STT3B: variants seen among roughly 807,000 people sequenced by gnomAD.
STT3B encodes the protein dolichyl-diphosphooligosaccharide--protein glycosyltransferase subunit STT3B.
In STT3B, 29 loss-of-function variants were observed where a neutral mutation model predicts 96.8. The observed-to-expected ratio is 0.30, with a 90% CI of 0.22 to 0.41. The LOEUF (loss-of-function observed/expected upper bound fraction) is 0.41, where lower values mean the gene tolerates loss of function less well. STT3B is among the 10% of genes least tolerant of loss of function. The pLI is 1.00. For synonymous variants in STT3B, 367 were observed against 360.0 expected (o/e 1.02, Z -0.22); for missense variants, 640 against 1,022.3 (o/e 0.63, Z 5.10).
At chr3:31,617,684 T>G (rs1157032320) in intron 7 of STT3B, among the ~76,000 whole-genome samples, 2 of 152,026 alleles carry the variant, frequency 1.3e-5, no homozygotes, top group Admixed American at 1.3e-4. Flanking sequence ...TTAAGAGAAT[T>G]GGAAAACTTT....
chr3:31,630,201 A>G (rs899472905), intron 14 of STT3B, among the ~76,000 whole-genome samples: 1 of 152,212 alleles, frequency 6.6e-6, no homozygotes, highest in Non-Finnish European at 1.5e-5. Context: ...AAACAGAGAA[A>G]AAGTTCTATC....
chr3:31,597,228 C>T (rs1341993252), intron 4 of STT3B, among the ~76,000 whole-genome samples: 1 of 151,820 alleles, frequency 6.6e-6, no homozygotes, highest in Non-Finnish European at 1.5e-5. Flanking sequence ...GGCACGATCT[C>T]AGCTCACTGC....
chr3:31,572,053 CATAT>C (rs1698165664), intron 1 of STT3B, among the ~76,000 whole-genome samples: 1 of 82,656 alleles, frequency 1.2e-5, no homozygotes, highest in Non-Finnish European at 2.4e-5. Context: ...ATTAATATAT[CATAT>C]ATTAATATAT....
chr3:31,533,514 G>A, intron 1 of STT3B: 2 of 562,814 alleles, frequency 3.6e-6, no homozygotes, highest in Admixed American at 9.6e-5. Context: ...CCTGAGGCGG[G>A]GCGTCGGGGT....
chr3:31,568,615 G>T (rs1455353866), intron 1 of STT3B, among the ~76,000 whole-genome samples: 5 of 152,112 alleles, frequency 3.3e-5, no homozygotes, highest in African/African-American at 1.2e-4. Flanking sequence ...GACTAATGAT[G>T]TTGAACATCT....
At chr3:31,612,683 G>T (rs1699208760) in intron 5 of STT3B, among the ~76,000 whole-genome samples, 1 of 152,144 alleles carries the variant, frequency 6.6e-6, no homozygotes. Flanking sequence ...CTGAGAAGTT[G>T]CAGGGAAGTG....
chr3:31,596,764 C>G lies in STT3B; in HGVS notation c.712-34C>G, dbSNP rs551423848. ...AAAATTCCGCAAGAACATTTGTAAA[C>G]ATTTTTATTATATCAGTTGCTTTTG... On this transcript the variant is annotated intron_variant, in intron 3 of 15. Transcript: ENST00000295770. The G allele has an allele frequency of 2.1e-4, 316 of 1,522,514 alleles. 3 individuals carry two copies. The South Asian group carries it at 3.5e-3, about 17-fold the overall frequency. 94.3% of individuals were successfully genotyped at this position (1,522,514 alleles called of 1,614,324 possible).
At chr3:31,586,584 G>T (rs1006679316) in intron 3 of STT3B, among the ~76,000 whole-genome samples, 9 of 151,946 alleles carry the variant, frequency 5.9e-5, no homozygotes, top group Non-Finnish European at 1.0e-4. Flanking sequence ...GCAATATAAG[G>T]GTTGTTGGGT....
intron 2 of STT3B, among the ~76,000 whole-genome samples, chr3:31,579,477 TAAA>T (rs1173591549): frequency 5.5e-3 from 368 of 67,434 alleles, no homozygotes; most frequent in Middle Eastern, 0.014. Flanking sequence ...CCTGTTTTGA[TAAA>T]AAAAAAAAAA....
intron 1 of STT3B, among the ~76,000 whole-genome samples, chr3:31,548,995 T>C (rs1488779552): frequency 6.6e-6 from 1 of 152,224 alleles, no homozygotes; most frequent in Non-Finnish European, 1.5e-5. Flanking sequence ...TAATTTTATT[T>C]AATCTGGTAT....
chr3:31,628,629 C>G (rs1267396540), intron 13 of STT3B, among the ~76,000 whole-genome samples: 1 of 151,918 alleles, frequency 6.6e-6, no homozygotes, highest in Non-Finnish European at 1.5e-5. Context: ...ATAAGTTAAC[C>G]CCATAAAAAT....
intron 5 of STT3B, among the ~76,000 whole-genome samples, chr3:31,608,307 T>C (rs1258949330): frequency 1.3e-5 from 2 of 152,226 alleles, no homozygotes; most frequent in Non-Finnish European, 2.9e-5. Flanking sequence ...TAACAGGCAC[T>C]GAAGCTAGTT....
chr3:31,562,001 A>C (rs763332072), intron 1 of STT3B, among the ~76,000 whole-genome samples: 52 of 152,084 alleles, frequency 3.4e-4, no homozygotes, highest in Non-Finnish European at 4.4e-5. Context: ...ACCAGGTGTA[A>C]CAGTCTTTTG....
chr3:31,547,944 T>C (rs943202400), intron 1 of STT3B, among the ~76,000 whole-genome samples: 1 of 152,204 alleles, frequency 6.6e-6, no homozygotes, highest in African/African-American at 2.4e-5. Context: ...TCAGATTTCT[T>C]GGATCTAATA....
chr3:31,574,370 A>G (rs1698220948), intron 1 of STT3B, among the ~76,000 whole-genome samples: 1 of 152,060 alleles, frequency 6.6e-6, no homozygotes, highest in Admixed American at 6.6e-5. Context: ...TTCTTTGTAA[A>G]TTTAGACCCT....
intron 9 of STT3B, among the ~76,000 whole-genome samples, chr3:31,620,839 T>C (rs995131945): frequency 6.6e-6 from 1 of 152,154 alleles, no homozygotes; most frequent in African/African-American, 2.4e-5. Flanking sequence ...GAGTGACACA[T>C]GAATCAGGAA....
intron 1 of STT3B, among the ~76,000 whole-genome samples, chr3:31,564,574 A>G (rs144358744): frequency 1.0e-3 from 154 of 152,354 alleles, no homozygotes; most frequent in African/African-American, 3.6e-3. Context: ...AAGGCATAAT[A>G]ACCACTCATA....
rs1699777386 is a variant in STT3B at position 31,637,363 on chromosome 3, T to G, written c.*1299T>G. The G allele has an allele frequency of 6.6e-6, 1 of 152,210 alleles. No individual in the cohort carries two copies. The allele number at this position is 152,210 out of a possible 1,614,324, so 9.4% of individuals were successfully genotyped here. On this transcript the variant is annotated 3_prime_UTR_variant, in exon 16 of 16. Transcript: ENST00000295770. ...TGAAGAAAAATGTAATTTACAATAT[T>G]CAGTGAGAATGTTACTGCTGATTTT...
chr3:31,559,183 GTGTGTGTT>G lies in STT3B; in HGVS notation c.315-17212_315-17205del, dbSNP rs1263286276. ...TGTGTGTGTGTGTGTGTGTGTGTGT[GTGTGTGTT>G]GTCTCTTTCATTTAGTTCTGCTCTG... On this transcript the variant is annotated intron_variant, in intron 1 of 15. Coordinates refer to ENST00000295770, the MANE Select transcript of STT3B (RefSeq NM_178862.3). 5.2e-3 allele frequency among the ~76,000 whole-genome samples: 674 copies of G among 129,200 alleles called. 5 individuals carry two copies. In the East Asian group the frequency reaches 0.054, roughly 10 times the overall value. 84.8% of individuals were successfully genotyped at this position (129,200 alleles called of 152,430 possible).
Sources: allele counts gnomAD v4.1 joint callset (sites outside exome capture counted in the v4.1 genomes callset), GRCh38; gene constraint gnomAD v4.1.1; transcripts MANE v1.5; gene names NCBI Gene and HGNC (gene_info 2026-07-23, HGNC 2026-07-21).